The following CHLSN variants were observed in gnomAD, a reference collection of about 807,000 sequenced individuals.
CHLSN encodes the protein protein cholesin.
chr7:1,123,883 C>T, the CHLSN span, among the ~76,000 whole-genome samples: 119 of 152,226 alleles, frequency 7.8e-4, no homozygotes, highest in African/African-American at 2.7e-3. The surrounding 1 kb of genome is among the most constrained non-coding windows in gnomAD (Gnocchi z 4.4). Context: ...CCACCGAGAC[C>T]GCATTCCCTG....
the CHLSN span, among the ~76,000 whole-genome samples, chr7:1,112,848 T>A: frequency 6.6e-6 from 1 of 152,110 alleles, no homozygotes; most frequent in South Asian, 2.1e-4. Flanking sequence ...CATCTAAACA[T>A]GCATGCACCA....
chr7:1,020,766 G>A, the CHLSN span, among the ~76,000 whole-genome samples: 1 of 152,212 alleles, frequency 6.6e-6, no homozygotes, highest in African/African-American at 2.4e-5. Context: ...GACCACCCCT[G>A]CAGACGGCCT....
the CHLSN span, among the ~76,000 whole-genome samples, chr7:1,135,074 C>G: frequency 3.3e-5 from 5 of 152,180 alleles, no homozygotes; most frequent in Admixed American, 3.3e-4. Context: ...TTCCTTCTCT[C>G]TTGACAGGCA....
At chr7:987,830 G>A in the CHLSN span, among the ~76,000 whole-genome samples, 1 of 151,424 alleles carries the variant, frequency 6.6e-6, no homozygotes, top group African/African-American at 2.4e-5. Context: ...GTGTCCTGGG[G>A]GTCCCCTCTG....
At chr7:1,111,337 C>A in the CHLSN span, among the ~76,000 whole-genome samples, 7 of 152,256 alleles carry the variant, frequency 4.6e-5, no homozygotes, top group African/African-American at 1.7e-4. Flanking sequence ...TGTTCTGCTG[C>A]GGCCCAGGCC....
the CHLSN span, among the ~76,000 whole-genome samples, chr7:995,115 C>G: frequency 6.6e-6 from 1 of 152,270 alleles, no homozygotes; most frequent in African/African-American, 2.4e-5. Flanking sequence ...ACTCACAGCC[C>G]GTTCTCTGGC....
At chr7:1,135,093 T>C in the CHLSN span, among the ~76,000 whole-genome samples, 2 of 152,146 alleles carry the variant, frequency 1.3e-5, no homozygotes, top group Admixed American at 6.6e-5. Context: ...CATTTTTCAC[T>C]TGGCATCCAG....
the CHLSN span, chr7:987,542 GCCTCCCTTGCCCCTTCCATCT>G: frequency 6.6e-7 from 1 of 1,510,450 alleles, no homozygotes. Flanking sequence ...GTGGGGCTGG[GCCTCCCTTGCCCCTTCCATCT>G]CCTCTGGGGT....
the CHLSN span, among the ~76,000 whole-genome samples, chr7:979,398 C>T: frequency 2.6e-3 from 396 of 152,114 alleles, 3 homozygotes; most frequent in African/African-American, 8.5e-3. Flanking sequence ...TCCTGTCAGA[C>T]GTTATCTTAT....
the CHLSN span, among the ~76,000 whole-genome samples, chr7:1,057,296 C>G: frequency 6.6e-6 from 1 of 152,190 alleles, no homozygotes; most frequent in East Asian, 1.9e-4. Context: ...GCAGCCACAG[C>G]AGCCCCCGGT....
chr7:1,125,001 C>A, the CHLSN span, among the ~76,000 whole-genome samples: 23 of 152,320 alleles, frequency 1.5e-4, no homozygotes, highest in Admixed American at 1.0e-3. Context: ...CGGGGGGTGG[C>A]AGTGAGAGAC....
the CHLSN span, among the ~76,000 whole-genome samples, chr7:1,133,976 T>C: frequency 6.6e-6 from 1 of 152,080 alleles, no homozygotes; most frequent in Non-Finnish European, 1.5e-5. Context: ...AGCTAACTCT[T>C]GTATTTTTTG....
the CHLSN span, chr7:1,028,853 T>C: frequency 1.6e-6 from 1 of 617,256 alleles, no homozygotes; most frequent in Non-Finnish European, 1.9e-6. Context: ...ATCTTCCCAG[T>C]CTGCCATCTC....
At chr7:1,092,355 G>T in the CHLSN span, 1 of 1,610,926 alleles carries the variant, frequency 6.2e-7, no homozygotes, top group Non-Finnish European at 8.5e-7. Context: ...TCTGTTTCGC[G>T]GATGTCCGGG....
chr7:985,319 T>G, the CHLSN span: 1 of 1,550,098 alleles, frequency 6.5e-7, no homozygotes, highest in Non-Finnish European at 8.7e-7. Context: ...TCCCCTGGCC[T>G]GCAGGTGAGG....
the CHLSN span, among the ~76,000 whole-genome samples, chr7:1,109,857 T>C: frequency 6.6e-6 from 1 of 151,938 alleles, no homozygotes; most frequent in Non-Finnish European, 1.5e-5. Flanking sequence ...AGCAAAGACA[T>C]CTCTCTGTCT....
At chr7:1,030,398 C>T in the CHLSN span, among the ~76,000 whole-genome samples, 17 of 152,270 alleles carry the variant, frequency 1.1e-4, no homozygotes, top group South Asian at 8.3e-4. Flanking sequence ...AGAGCAGGAG[C>T]GGGAGAAGCT....
At chr7:1,014,598 A>G in the CHLSN span, among the ~76,000 whole-genome samples, 17 of 152,264 alleles carry the variant, frequency 1.1e-4, no homozygotes, top group Admixed American at 1.1e-3. Context: ...ATCATTTCCC[A>G]GGTTTGTGAA....
At chr7:1,089,775 T>C in the CHLSN span, among the ~76,000 whole-genome samples, 5,595 of 150,658 alleles carry the variant, frequency 0.037, 368 homozygotes, top group African/African-American at 0.13. Flanking sequence ...AGTCTGGTTT[T>C]GCAGCACTTC....
Sources: gnomAD v4.1 joint callset for allele counts (sites outside exome capture counted in the v4.1 genomes callset) on GRCh38, gnomAD v4.1.1 for gene constraint, Gnocchi (gnomAD v3.1) non-coding constraint, MANE v1.5 for transcripts, NCBI Gene and HGNC (gene_info 2026-07-23, HGNC 2026-07-21) for gene names.